The following FUT8 variants were observed in gnomAD, a reference collection of about 807,000 sequenced individuals.
The protein encoded by FUT8 is alpha-(1,6)-fucosyltransferase.
Under a neutral mutation model 71.3 loss-of-function variants are expected in FUT8, and 29 were observed. The observed-to-expected ratio is 0.41, with a 90% CI of 0.30 to 0.55. The LOEUF (loss-of-function observed/expected upper bound fraction) is 0.55. FUT8 is among the 20% of genes least tolerant of loss of function. The pLI is 0.34. For missense variants in FUT8, 544 were observed against 702.1 expected (o/e 0.77, Z 2.55); for synonymous variants, 254 against 239.3 (o/e 1.06, Z -0.57).
At chr14:65,423,020 T>C (rs1306649118) in intron 1 of FUT8, among the ~76,000 whole-genome samples, 10 of 149,442 alleles carry the variant, frequency 6.7e-5, no homozygotes, top group Non-Finnish European at 1.3e-4. Context: ...GAGTCTCGCT[T>C]TGTCACCCAG....
rs778804683 is a variant in FUT8 at position 65,742,074 on chromosome 14, T to C, written c.1411-19T>C. Reference sequence around the variant, plus strand: ...AGAGTGTTTATATACTAACAATTTCTTTTAAATTCTTTCCCAAGGTCTGTC... The same window carrying C: ...AGAGTGTTTATATACTAACAATTTCCTTTAAATTCTTTCCCAAGGTCTGTC... On this transcript the variant is annotated intron_variant, in intron 10 of 10. Transcript: ENST00000673929. 4.4e-6 allele frequency: 7 copies of C among 1,600,906 alleles called. No individual in the cohort carries two copies. The highest frequency in any genetic ancestry group is 6.0e-6 in the Non-Finnish European group (7 of 1,171,700).
intron 7 of FUT8, among the ~76,000 whole-genome samples, chr14:65,720,020 G>A (rs1176607029): frequency 1.3e-5 from 2 of 152,228 alleles, no homozygotes; most frequent in Non-Finnish European, 2.9e-5. Flanking sequence ...GGCAAAGCCA[G>A]TCAGGCTTTT....
At chr14:65,443,765 T>C (rs1334811857) in intron 1 of FUT8, among the ~76,000 whole-genome samples, 1 of 151,124 alleles carries the variant, frequency 6.6e-6, no homozygotes, top group Non-Finnish European at 1.5e-5. Context: ...TTTTCAAAAA[T>C]CATGAGTAAT....
At chr14:65,632,480 T>G (rs1890240269) in intron 6 of FUT8, among the ~76,000 whole-genome samples, 1 of 152,242 alleles carries the variant, frequency 6.6e-6, no homozygotes, top group Non-Finnish European at 1.5e-5. Flanking sequence ...TCATTAGTGA[T>G]GTTGAGCATT....
intron 6 of FUT8, among the ~76,000 whole-genome samples, chr14:65,637,930 A>C (rs1234284050): frequency 6.6e-6 from 1 of 152,168 alleles, no homozygotes. Flanking sequence ...GAGTGACTTC[A>C]TCTTGGTATT....
intron 6 of FUT8, among the ~76,000 whole-genome samples, chr14:65,630,512 T>C (rs996410912): frequency 6.6e-6 from 1 of 152,188 alleles, no homozygotes; most frequent in Admixed American, 6.5e-5. Flanking sequence ...GAGTGGTACT[T>C]AAGTGATATT....
At chr14:65,623,947 C>G (rs1367387858) in intron 5 of FUT8, among the ~76,000 whole-genome samples, 2 of 152,122 alleles carry the variant, frequency 1.3e-5, no homozygotes, top group Non-Finnish European at 2.9e-5. Context: ...TGGGACTCTT[C>G]TAGGAGATCT....
At position 65,603,564 on chromosome 14, in the gene FUT8, C is replaced by T. The variant is rs549989465; in HGVS notation, c.204-12414C>T. On this transcript the variant is annotated intron_variant, in intron 3 of 10. Coordinates refer to ENST00000673929, the MANE Select transcript of FUT8 (RefSeq NM_001371533.1). The surrounding 1 kb of genome is among the most constrained non-coding windows in gnomAD (Gnocchi z 4.5). ...GATTGCATTGAATTTGTAGATTTGG[C>T]GGTATGGCAATTTTCACAATGACCA... 6.0e-4 allele frequency among the ~76,000 whole-genome samples: 91 copies of T among 151,438 alleles called. No homozygotes were observed. Among genetic ancestry groups the T allele is most frequent in the African/African-American group, 1.9e-3 (78 of 41,390 alleles).
chr14:65,739,509 G>A (rs546177441), intron 10 of FUT8, among the ~76,000 whole-genome samples: 7 of 152,172 alleles, frequency 4.6e-5, no homozygotes, highest in Non-Finnish European at 7.4e-5. Context: ...AGGGTGCGAT[G>A]TTGTTTTTAT....
At chr14:65,528,424 C>A (rs1883671846) in intron 2 of FUT8, among the ~76,000 whole-genome samples, 2 of 152,098 alleles carry the variant, frequency 1.3e-5, no homozygotes, top group African/African-American at 4.8e-5. Flanking sequence ...GTGGGAGTGA[C>A]CCGATTTTCC....
At chr14:65,620,659 T>G (rs899346871) in intron 5 of FUT8, among the ~76,000 whole-genome samples, 2 of 152,174 alleles carry the variant, frequency 1.3e-5, no homozygotes, top group Non-Finnish European at 2.9e-5. Flanking sequence ...TGTGTTTTAT[T>G]TCATATACAC....
intron 1 of FUT8, among the ~76,000 whole-genome samples, chr14:65,438,535 A>T (rs755918760): frequency 1.3e-5 from 2 of 152,202 alleles, no homozygotes; most frequent in Non-Finnish European, 2.9e-5. Flanking sequence ...CTATACTTGT[A>T]AGGATGGTAG....
intron 6 of FUT8, among the ~76,000 whole-genome samples, chr14:65,656,083 C>T (rs1891668278): frequency 6.6e-6 from 1 of 152,102 alleles, no homozygotes; most frequent in African/African-American, 2.4e-5. Context: ...TGTTATTCAA[C>T]ATAGTGCTGA....
At chr14:65,441,847 G>A (rs551596119) in intron 1 of FUT8, among the ~76,000 whole-genome samples, 9 of 148,528 alleles carry the variant, frequency 6.1e-5, no homozygotes, top group East Asian at 2.0e-4. Context: ...TGTGCACAAC[G>A]CGCAGGTTTG....
At chr14:65,613,957 T>C (rs1197219890) in intron 3 of FUT8, among the ~76,000 whole-genome samples, 1 of 151,734 alleles carries the variant, frequency 6.6e-6, no homozygotes, top group Non-Finnish European at 1.5e-5. Flanking sequence ...ACTAAAAATG[T>C]AAAAAAATTA....
chr14:65,373,985 G>A, the FUT8 span, among the ~76,000 whole-genome samples: 1,076 of 152,286 alleles, frequency 7.1e-3, 11 homozygotes, highest in African/African-American at 0.025. Flanking sequence ...GTTTTTATAC[G>A]AAGTTTCAAC....
chr14:65,682,518 G>A (rs1893087959), intron 7 of FUT8, among the ~76,000 whole-genome samples: 1 of 151,138 alleles, frequency 6.6e-6, no homozygotes. Context: ...AAAAAAAAAA[G>A]GAACCCCAAG....
At chr14:65,408,721 T>C (rs2065096743), upstream of FUT8, among the ~76,000 whole-genome samples, 1 of 152,194 alleles carries the variant, frequency 6.6e-6, no homozygotes. Flanking sequence ...TCTGGCTAGT[T>C]TCATCAGTCT....
chr14:65,384,440 T>C, the FUT8 span, among the ~76,000 whole-genome samples: 20,424 of 152,028 alleles, frequency 0.13, 2,032 homozygotes, highest in East Asian at 0.54. The surrounding 1 kb of genome is among the most constrained non-coding windows in gnomAD (Gnocchi z 4.2). Context: ...AGTAAAATTC[T>C]TTTTCTCTTC....
Sources: gnomAD v4.1 joint callset for allele counts (sites outside exome capture counted in the v4.1 genomes callset) on GRCh38, gnomAD v4.1.1 for gene constraint, Gnocchi (gnomAD v3.1) non-coding constraint, MANE v1.5 for transcripts, NCBI Gene and HGNC (gene_info 2026-07-23, HGNC 2026-07-21) for gene names.